Variants in GOLGA3 observed in about 807,000 individuals in gnomAD.
The protein encoded by GOLGA3 is golgin A3, also known as golgin subfamily A member 3.
Under a neutral mutation model 169.4 loss-of-function variants are expected in GOLGA3, and 75 were observed. The observed-to-expected ratio is 0.44, with a 90% confidence interval of 0.37 to 0.54. The LOEUF is 0.54. Among genes scored for constraint, GOLGA3 ranks in the 20% least tolerant of loss-of-function variants. GOLGA3 has a pLI of 0.00. For missense variants in GOLGA3, 1,899 were observed against 1,930.0 expected (o/e 0.98, Z 0.30); for synonymous variants, 824 against 822.4 (o/e 1.00, Z -0.03).
chr12:132,812,227 ATATTTTT>A (rs1444446476), intron 4 of GOLGA3, among the ~76,000 whole-genome samples: 1 of 108,910 alleles, frequency 9.2e-6, no homozygotes, highest in Non-Finnish European at 2.4e-5. Flanking sequence ...ATATATATAT[ATATTTTT>A]TTTAACTGCT....
intron 18 of GOLGA3, among the ~76,000 whole-genome samples, chr12:132,778,173 G>T (rs966662140): frequency 3.3e-5 from 5 of 152,360 alleles, no homozygotes; most frequent in Admixed American, 3.3e-4. Context: ...GTACTCAGGA[G>T]GCTGAGGTGG....
rs771048296 is a variant in GOLGA3 at position 132,789,274 on chromosome 12, T to C, written c.2564A>G (p.Tyr855Cys). The C allele has an allele frequency of 1.9e-6, 3 of 1,597,766 alleles. No individual in the cohort carries two copies. The highest frequency in any genetic ancestry group is 1.3e-5 in the African/African-American group (1 of 74,838). ...GTCTTTGGAGGTGGCGTCGCGCCGG[T>C]AGGCCTCCACCATCACCTGCCAAAG... ...FLQQKVMVEA[Y>C]RRDATSKDQL... is the part of the protein sequence containing the mutation. The change falls in exon 13 of 24, where the codon TAC becomes TGC. Residue 855 changes from tyrosine to cysteine, a missense_variant. By Grantham distance (194) the Tyr-to-Cys change is radical. Transcript: ENST00000450791.
At chr12:132,787,541 T>A (rs1194072213) in intron 13 of GOLGA3, among the ~76,000 whole-genome samples, 2 of 3,786 alleles carry the variant, frequency 5.3e-4, no homozygotes, top group Non-Finnish European at 9.5e-4. Context: ...CCCAGACCCC[T>A]CCCCCAGAGC....
intron 1 of GOLGA3, among the ~76,000 whole-genome samples, chr12:132,823,770 A>G (rs1160185528): frequency 6.7e-6 from 1 of 150,300 alleles, no homozygotes; most frequent in Non-Finnish European, 1.5e-5. Context: ...CTGGGCAACA[A>G]GAGTGGAAAC....
chr12:132,813,750 A>G (rs1462636277), intron 3 of GOLGA3, among the ~76,000 whole-genome samples: 12 of 116,712 alleles, frequency 1.0e-4, no homozygotes, highest in Admixed American at 6.6e-4. Flanking sequence ...TTTGAGATGG[A>G]GTCTCACTCT....
rs781462767 is a variant in GOLGA3 at position 132,777,776 on chromosome 12, A to T, written c.3612T>A (p.His1204Gln). 68 of 1,613,670 alleles carry T rather than the reference A, an allele frequency of 4.2e-5. No individual in the cohort carries two copies. In the Middle Eastern group the frequency reaches 8.2e-4, roughly 20 times the overall value. Residue 1204 changes from histidine to glutamine, a missense_variant, in exon 19 of 24, where the codon CAT (histidine) becomes CAA (glutamine). By Grantham distance (24) the His-to-Gln change is conservative (BLOSUM62 0). Transcript: ENST00000450791. This position sits in a 1 kb window ranked among gnomAD's most constrained non-coding sequence, Gnocchi z 4.7. ...QVAAAKVEAG[H>Q]NRRHFKAASL... Reference sequence around the variant, plus strand: ...AGGCCGCCTTGAAGTGGCGGCGGTTATGCCCGGCTTCCACCTTGGCAGCAG... The same window carrying T: ...AGGCCGCCTTGAAGTGGCGGCGGTTTTGCCCGGCTTCCACCTTGGCAGCAG...
rs1312183345 is a variant in GOLGA3 at position 132,775,320 on chromosome 12, G to A, written c.3979-15C>T. 3.8e-6 allele frequency: 6 copies of A among 1,591,464 alleles called. No individual in the cohort carries two copies. Among genetic ancestry groups the A allele is most frequent in the Admixed American group, 1.8e-5 (1 of 55,272 alleles). ...GACTTGACGTTCTGTGGAAAATGAA[G>A]TCAGATTTTTAAAAGCTAACAGATC... On this transcript the variant is annotated splice_polypyrimidine_tract_variant and intron_variant, in intron 21 of 23. Coordinates refer to ENST00000450791, the MANE Select transcript of GOLGA3 (RefSeq NM_001389683.1).
rs947761518 is a variant in GOLGA3, at chr12:132,770,184, G to T, written c.*2921C>A. ...GATGGCGGAGCTTGCAGTGAGCAGAGATCACGCCACTGCACTCCAGCCTGG... is the reference window on the plus strand; with the variant it reads ...GATGGCGGAGCTTGCAGTGAGCAGATATCACGCCACTGCACTCCAGCCTGG... On this transcript the variant is annotated 3_prime_UTR_variant, in exon 24 of 24. Transcript: ENST00000450791. 6.7e-6 allele frequency: 1 copy of T among 149,540 alleles called. No homozygotes were observed. Among genetic ancestry groups the T allele is most frequent in the South Asian group, 2.1e-4 (1 of 4,752 alleles). The allele number at this position is 149,540 out of a possible 1,614,324, so 9.3% of individuals were successfully genotyped here.
chr12:132,812,875 A>G (rs1949784986), intron 4 of GOLGA3, among the ~76,000 whole-genome samples: 1 of 152,236 alleles, frequency 6.6e-6, no homozygotes, highest in Non-Finnish European at 1.5e-5. Flanking sequence ...AGATGCTCCA[A>G]CAGCAAAGAG....
Position 132,772,565 on chromosome 12 carries a change from A to AAC in GOLGA3, c.*539_*540insGT, listed in dbSNP as rs2044957642. ...TCTCAAAAAAAAAAAAAAAAAAAAAACAAAGATTGGATTATGATATTCAGT... is the reference window on the plus strand; with the variant it reads ...TCTCAAAAAAAAAAAAAAAAAAAAAAACCAAAGATTGGATTATGATATTCAGT... On this transcript the variant is annotated 3_prime_UTR_variant, in exon 24 of 24. Transcript: ENST00000450791. 4 of 149,188 alleles carry AAC rather than the reference A, an allele frequency of 2.7e-5. 1 individual carries two copies. The South Asian group carries it at 8.3e-4, about 31-fold the overall frequency. 9.2% of individuals were successfully genotyped at this position (149,188 alleles called of 1,614,324 possible).
intron 6 of GOLGA3, among the ~76,000 whole-genome samples, chr12:132,806,938 C>G (rs10431484): frequency 0.96 from 146,842 of 152,186 alleles, 71,068 homozygotes; most frequent in East Asian, 1. Context: ...TAACATCTAG[C>G]AAATATTCTG....
rs1566065210 is a variant in GOLGA3, at chr12:132,775,117, CG to C, written c.4143+23del. The C allele has an allele frequency of 1.1e-5, 17 of 1,605,420 alleles. No individual in the cohort carries two copies. The East Asian group carries it at 3.8e-4, about 36-fold the overall frequency. On this transcript the variant is annotated intron_variant, in intron 22 of 23. Coordinates refer to ENST00000450791, the MANE Select transcript of GOLGA3 (RefSeq NM_001389683.1). ...CATCTACAGCGCACGTCGGCTACCCCGGGAGGGACGCGGGCCTGAGTACCGT... is the reference window on the plus strand; with the variant it reads ...CATCTACAGCGCACGTCGGCTACCCCGGAGGGACGCGGGCCTGAGTACCGT...
chr12:132,823,660 G>A (rs77000720), intron 1 of GOLGA3, among the ~76,000 whole-genome samples: 33,302 of 151,746 alleles, frequency 0.22, 4,259 homozygotes, highest in Non-Finnish European at 0.3. Context: ...GGTGGCAGGC[G>A]CCTGTAATCC....
chr12:132,791,119 T>C (rs1312656203), intron 12 of GOLGA3, 97 bp downstream of exon 12: 2 of 411,378 alleles, frequency 4.9e-6, no homozygotes, highest in Non-Finnish European at 9.2e-6. Flanking sequence ...TACCTTCTTC[T>C]CAACTTCAAT....
intron 4 of GOLGA3, among the ~76,000 whole-genome samples, chr12:132,813,083 C>T (rs1163851749): frequency 1.3e-5 from 2 of 152,214 alleles, no homozygotes; most frequent in African/African-American, 4.8e-5. Context: ...GCAATGTTTA[C>T]ATTTTTGTGG....
chr12:132,804,879 C>G lies in GOLGA3; in HGVS notation c.1434G>C (p.Trp478Cys). 6.2e-7 allele frequency: 1 copy of G among 1,614,130 alleles called. No individual in the cohort carries two copies. Residue 478 changes from tryptophan (W) to cysteine (C), a missense_variant, in exon 7 of 24, where the codon TGG becomes TGC. Physicochemically the swap from Trp to Cys is radical, Grantham distance 215 (BLOSUM62 -2). Coordinates refer to ENST00000450791, the MANE Select transcript of GOLGA3 (RefSeq NM_001389683.1). The surrounding 1 kb of genome is among the most constrained non-coding windows in gnomAD (Gnocchi z 4.1). ...GGTCAGTCATGGCTCGCTCCAGGTC[C>G]CAGCACGACTGCTTCAGGGTGTCCA... ...SEVDTLKQSC[W>C]DLERAMTDLQ...
At chr12:132,810,722 C>T (rs372409087) in intron 4 of GOLGA3, among the ~76,000 whole-genome samples, 2 of 152,186 alleles carry the variant, frequency 1.3e-5, no homozygotes, top group South Asian at 2.1e-4. Context: ...CATGGTCTAG[C>T]GGTAGCATCA....
rs1242263902 is a variant in GOLGA3 at position 132,772,135 on chromosome 12, T to A, written c.*970A>T. On this transcript the variant is annotated 3_prime_UTR_variant, in exon 24 of 24. Coordinates refer to ENST00000450791, the MANE Select transcript of GOLGA3 (RefSeq NM_001389683.1). ...AGGTAAATAAAATAATTATATTTCT[T>A]AGAATTTTCTGACTATCCCTAAATC... The A allele has an allele frequency of 6.6e-6, 1 of 152,264 alleles. No individual in the cohort carries two copies. Among genetic ancestry groups the A allele is most frequent in the East Asian group, 1.9e-4 (1 of 5,206 alleles). The allele number at this position is 152,264 out of a possible 1,614,324, so 9.4% of individuals were successfully genotyped here. A position where few individuals can be genotyped will look rare whatever the true frequency, so the allele number is the denominator to read the frequency against.
At position 132,776,946 on chromosome 12, in the gene GOLGA3, G is replaced by A. The variant is rs777451443; in HGVS notation, c.3855+12C>T. ...GTCCAGCCCTGCAAGTCCAGCCCCC[G>A]TGAACCGTCACCTCTTGGTTTCCCA... On this transcript the variant is annotated intron_variant, in intron 20 of 23. Transcript: ENST00000450791. The A allele has an allele frequency of 3.8e-5, 60 of 1,571,900 alleles. No individual in the cohort carries two copies. Among genetic ancestry groups the A allele is most frequent in the Non-Finnish European group, 4.9e-5 (57 of 1,158,708 alleles).
Sources: allele counts gnomAD v4.1 joint callset (sites outside exome capture counted in the v4.1 genomes callset), GRCh38; gene constraint gnomAD v4.1.1; non-coding constraint Gnocchi (gnomAD v3.1); transcripts MANE v1.5; gene names NCBI Gene and HGNC (gene_info 2026-07-23, HGNC 2026-07-21).